The following SLC25A40 variants were observed in gnomAD, a reference collection of about 807,000 sequenced individuals.
SLC25A40 encodes mitochondrial glutathione transporter SLC25A40.
Under a neutral mutation model 46.5 loss-of-function variants are expected in SLC25A40, and 41 were observed. The observed-to-expected ratio is 0.88, with a 90% confidence interval of 0.69 to 1.14. The LOEUF is 1.14. Among genes scored for constraint, SLC25A40 ranks in the 50% most tolerant of loss-of-function variants. The pLI, the probability that SLC25A40 is intolerant of heterozygous loss-of-function variation, is 0.00. For synonymous variants in SLC25A40, 126 were observed against 127.5 expected (o/e 0.99, Z 0.08); for missense variants, 386 against 393.6 (o/e 0.98, Z 0.16).
intron 1 of SLC25A40, among the ~76,000 whole-genome samples, chr7:87,868,046 T>C (rs142818345): frequency 2.4e-3 from 361 of 152,330 alleles, no homozygotes; most frequent in African/African-American, 8.3e-3. Context: ...GGGATGGTGG[T>C]ACCACCTCCC....
intron 5 of SLC25A40, among the ~76,000 whole-genome samples, chr7:87,850,583 T>C (rs1838492438): frequency 6.6e-6 from 1 of 151,876 alleles, no homozygotes; most frequent in Non-Finnish European, 1.5e-5. Flanking sequence ...GCCTGGGCAA[T>C]ATAGTTAGAA....
At chr7:87,871,251 A>G (rs1197816723) in intron 1 of SLC25A40, among the ~76,000 whole-genome samples, 2 of 152,202 alleles carry the variant, frequency 1.3e-5, no homozygotes, top group Non-Finnish European at 2.9e-5. Context: ...CATGCTGTGA[A>G]CTGCCCTATG....
At position 87,835,097 on chromosome 7, in the gene SLC25A40, T is replaced by C. The variant is rs1006057732; in HGVS notation, c.*1152A>G. The C allele has an allele frequency of 1.3e-5, 2 of 151,344 alleles. No individual in the cohort carries two copies. The highest frequency in any genetic ancestry group is 4.8e-5 in the African/African-American group (2 of 41,336). The allele number at this position is 151,344 out of a possible 1,614,324, so 9.4% of individuals were successfully genotyped here. A position where few individuals can be genotyped will look rare whatever the true frequency, so the allele number is the denominator to read the frequency against. Reference sequence around the variant, plus strand: ...ATAAATTAGTGCTTTAAAAAATATATATATATAGGATATAGATCCTAAGAA... The same window carrying C: ...ATAAATTAGTGCTTTAAAAAATATACATATATAGGATATAGATCCTAAGAA... On this transcript the variant is annotated 3_prime_UTR_variant, in exon 12 of 12. Coordinates refer to ENST00000341119, the MANE Select transcript of SLC25A40 (RefSeq NM_018843.4).
At chr7:87,874,536 C>G (rs192001213) in intron 1 of SLC25A40, among the ~76,000 whole-genome samples, 1 of 152,084 alleles carries the variant, frequency 6.6e-6, no homozygotes, top group South Asian at 2.1e-4. Flanking sequence ...TTAAGGAAAC[C>G]AAGGATACCT....
At chr7:87,870,684 C>T (rs532121054) in intron 1 of SLC25A40, among the ~76,000 whole-genome samples, 1 of 152,326 alleles carries the variant, frequency 6.6e-6, no homozygotes, top group African/African-American at 2.4e-5. Context: ...AAGCAGCTTA[C>T]TTCAGAGTGA....
rs1838229332 is a variant in SLC25A40 at position 87,834,182 on chromosome 7, G to A, written c.*2067C>T. 1 of 151,854 alleles carries A rather than the reference G, an allele frequency of 6.6e-6. No individual in the cohort carries two copies. Among genetic ancestry groups the A allele is most frequent in the African/African-American group, 2.4e-5 (1 of 41,408 alleles). The allele number at this position is 151,854 out of a possible 1,614,324, so 9.4% of individuals were successfully genotyped here. On this transcript the variant is annotated 3_prime_UTR_variant, in exon 12 of 12. Transcript: ENST00000341119. ...AAAAGTCTGGAAAGCCCATGTGGCTGAGAGTTAAATTTATATACTGAAGTA... is the reference window on the plus strand; with the variant it reads ...AAAAGTCTGGAAAGCCCATGTGGCTAAGAGTTAAATTTATATACTGAAGTA...
chr7:87,866,381 T>C (rs1562750078), intron 1 of SLC25A40, among the ~76,000 whole-genome samples: 1 of 152,254 alleles, frequency 6.6e-6, no homozygotes, highest in Non-Finnish European at 1.5e-5. Context: ...CTGGCCTGTA[T>C]GGCTTCTGTT....
intron 11 of SLC25A40, 91 bp from the exon 12 acceptor site, chr7:87,836,452 C>A: frequency 6.2e-6 from 5 of 807,410 alleles, no homozygotes; most frequent in South Asian, 2.8e-5. Context: ...TGATAATTAT[C>A]AAATTAAATG....
intron 1 of SLC25A40, among the ~76,000 whole-genome samples, chr7:87,864,328 A>G (rs1027203180): frequency 2.6e-4 from 40 of 152,224 alleles, no homozygotes; most frequent in African/African-American, 9.6e-4. Flanking sequence ...AGCACCTTAA[A>G]TATTTATGTT....
chr7:87,871,957 G>A (rs527515289), intron 1 of SLC25A40, among the ~76,000 whole-genome samples: 2 of 152,218 alleles, frequency 1.3e-5, no homozygotes, highest in South Asian at 2.1e-4. Context: ...ATCAGCATAA[G>A]GTTGTTCATA....
chr7:87,858,188 C>T (rs1016163476), intron 3 of SLC25A40, among the ~76,000 whole-genome samples: 7 of 152,210 alleles, frequency 4.6e-5, no homozygotes, highest in Non-Finnish European at 5.9e-5. Flanking sequence ...CAAGACAAAA[C>T]GTGCACTGCT....
chr7:87,865,058 C>T (rs1838769014), intron 1 of SLC25A40, among the ~76,000 whole-genome samples: 1 of 150,794 alleles, frequency 6.6e-6, no homozygotes, highest in African/African-American at 2.4e-5. Context: ...CTAATTGCAA[C>T]CTCAAACTGC....
chr7:87,856,235 A>AC, intron 4 of SLC25A40, 57 bp downstream of exon 4: 1 of 1,396,682 alleles, frequency 7.2e-7, no homozygotes, highest in Non-Finnish European at 9.9e-7. Flanking sequence ...AAAAAAAAAA[A>AC]CCACAGGAAC....
chr7:87,870,142 G>T (rs1224938354), intron 1 of SLC25A40, among the ~76,000 whole-genome samples: 1 of 150,630 alleles, frequency 6.6e-6, no homozygotes, highest in Non-Finnish European at 1.5e-5. Context: ...TTTTAAATTG[G>T]GTCATCTTCT....
chr7:87,859,226 G>A (rs762984811), intron 2 of SLC25A40, among the ~76,000 whole-genome samples: 4 of 152,030 alleles, frequency 2.6e-5, no homozygotes, highest in African/African-American at 7.2e-5. Context: ...AGGCCGAGGC[G>A]GGCGCATCAT....
intron 8 of SLC25A40, 70 bp from the exon 9 acceptor site, chr7:87,843,933 A>C: frequency 7.0e-7 from 1 of 1,430,570 alleles, no homozygotes; most frequent in Non-Finnish European, 9.4e-7. Context: ...AAGAGTTATG[A>C]GGTTATATAT....
rs147753823 is a variant in SLC25A40 at position 87,843,860 on chromosome 7, A to C, written c.635T>G (p.Met212Arg). 1.8e-4 allele frequency: 291 copies of C among 1,579,262 alleles called. No homozygotes were observed. Among genetic ancestry groups the C allele is most frequent in the Non-Finnish European group, 2.4e-4 (276 of 1,154,984 alleles). ...TAAAATTTCATAGTTATACCAGTAC[A>C]TTGCTATAAAAACAGAGAATGAAAT... ...TVLRDVPFSA[M>R]YWYNYEILKK... Residue 212 changes from methionine (M) to arginine (R), a missense_variant, in exon 9 of 12, where the codon ATG becomes AGG. By Grantham distance (91) the Met-to-Arg change is moderately conservative. Coordinates refer to ENST00000341119, the MANE Select transcript of SLC25A40 (RefSeq NM_018843.4).
chr7:87,858,264 T>C (rs1838644985), intron 3 of SLC25A40, among the ~76,000 whole-genome samples: 1 of 152,214 alleles, frequency 6.6e-6, no homozygotes, highest in Non-Finnish European at 1.5e-5. Flanking sequence ...TGGACCCTTA[T>C]CAGGAGTCTG....
chr7:87,857,029 T>C lies in SLC25A40; in HGVS notation c.98-678A>G, dbSNP rs1228873859. Reference sequence around the variant, plus strand: ...ACATCATAAGCAATTAATTTATTTGTTCTAATCATTTGTTATTTACATAAA... The same window carrying C: ...ACATCATAAGCAATTAATTTATTTGCTCTAATCATTTGTTATTTACATAAA... On this transcript the variant is annotated intron_variant, in intron 3 of 11. Coordinates refer to ENST00000341119, the MANE Select transcript of SLC25A40 (RefSeq NM_018843.4). 3.3e-5 allele frequency among the ~76,000 whole-genome samples: 5 copies of C among 152,300 alleles called. No individual in the cohort carries two copies. The East Asian group carries it at 9.6e-4, about 29-fold the overall frequency.
Sources: allele counts gnomAD v4.1 joint callset (sites outside exome capture counted in the v4.1 genomes callset), GRCh38; gene constraint gnomAD v4.1.1; transcripts MANE v1.5; gene names NCBI Gene and HGNC (gene_info 2026-07-23, HGNC 2026-07-21).